The following MYO6 variants were observed in gnomAD, a reference collection of about 807,000 sequenced individuals.
MYO6 encodes myosin VI.
Under a neutral mutation model 178.7 loss-of-function variants are expected in MYO6, and 74 were observed. The ratio of observed to expected loss-of-function variants is 0.41; its 90% CI spans 0.34 to 0.50. MYO6 has a LOEUF of 0.50. Ranked by LOEUF, MYO6 falls within the 20% of genes least tolerant of loss-of-function variation. MYO6 has a pLI of 0.09. For synonymous variants in MYO6, 477 were observed against 504.6 expected (o/e 0.95, Z 0.73); for missense variants, 1,330 against 1,547.4 (o/e 0.86, Z 2.36).
At chr6:75,759,619 A>G (rs1777775546) in intron 1 of MYO6, among the ~76,000 whole-genome samples, 1 of 151,966 alleles carries the variant, frequency 6.6e-6, no homozygotes, top group Non-Finnish European at 1.5e-5. Context: ...GCAAGAGCAG[A>G]GAAAGAATTG....
Position 75,846,970 on chromosome 6 carries a change from G to A in MYO6, c.898-1381G>A, listed in dbSNP as rs61073238. On this transcript the variant is annotated intron_variant, in intron 10 of 34. Transcript: ENST00000369977. ...ACTTTTTATGTCTTCTTTATCAGGA[G>A]GATGAGGTGATCATTTTGACTAATT... Among the ~76,000 whole-genome samples the A allele has an allele frequency of 3.3e-3, 507 of 152,176 alleles. 2 individuals carry two copies. The highest frequency in any genetic ancestry group is 0.011 in the African/African-American group (467 of 41,552).
At chr6:75,783,581 A>G (rs1767210238) in intron 1 of MYO6, among the ~76,000 whole-genome samples, 1 of 149,212 alleles carries the variant, frequency 6.7e-6, no homozygotes. Context: ...TTGCCATTTA[A>G]AATATCCCAC....
chr6:75,888,144 G>A (rs575557099), intron 25 of MYO6, among the ~76,000 whole-genome samples: 10 of 151,780 alleles, frequency 6.6e-5, no homozygotes, highest in African/African-American at 2.2e-4. Context: ...ACCAAAGTTA[G>A]CCAGGTGTGA....
chr6:75,891,370 T>C lies in MYO6; in HGVS notation c.2946+64T>C, dbSNP rs1163223250. 30 of 1,241,112 alleles carry C rather than the reference T, an allele frequency of 2.4e-5. No individual in the cohort carries two copies. In the East Asian group the frequency reaches 4.2e-4, roughly 17 times the overall value. 76.9% of individuals were successfully genotyped at this position (1,241,112 alleles called of 1,614,324 possible). ...CCTACAGGCTGGGTGTGGTGGCTCA[T>C]GCCTGTAATCCCAGCTCTTTGGGAG... On this transcript the variant is annotated intron_variant, in intron 27 of 34. Coordinates refer to ENST00000369977, the MANE Select transcript of MYO6 (RefSeq NM_004999.4).
intron 1 of MYO6, among the ~76,000 whole-genome samples, chr6:75,759,524 G>A (rs183435900): frequency 1.4e-4 from 21 of 152,042 alleles, no homozygotes; most frequent in African/African-American, 4.3e-4. Context: ...CTCTTCCTCC[G>A]AGTCTCCACC....
Position 75,817,593 on chromosome 6 carries a change from T to A in MYO6, c.46T>A (p.Phe16Ile). 6.2e-7 allele frequency: 1 copy of A among 1,614,222 alleles called. No individual in the cohort carries two copies. Among genetic ancestry groups the A allele is most frequent in the Non-Finnish European group, 8.5e-7 (1 of 1,180,024 alleles). Residue 16 changes from phenylalanine (F) to isoleucine (I), a missense_variant, in exon 2 of 35, where the codon TTT becomes ATT. By Grantham distance (21) the Phe-to-Ile change is conservative. Transcript: ENST00000369977. ...TTGGGCGCCACACCCTACAGATGGA[T>A]TTCAGATGGGCAATATTGTGGATAT... ...PVWAPHPTDG[F>I]QMGNIVDIGP... is the part of the protein sequence containing the mutation.
At chr6:75,842,093 G>C (rs1774288635) in intron 9 of MYO6, among the ~76,000 whole-genome samples, 1 of 152,076 alleles carries the variant, frequency 6.6e-6, no homozygotes, top group African/African-American at 2.4e-5. Context: ...AATATTTATT[G>C]CTTGCCCATT....
Position 75,914,094 on chromosome 6 carries a change from C to A in MYO6, c.3471C>A (p.Ala1157=). 2 of 1,614,122 alleles carry A rather than the reference C, an allele frequency of 1.2e-6. No individual in the cohort carries two copies. Among genetic ancestry groups the A allele is most frequent in the African/African-American group, 1.3e-5 (1 of 75,040 alleles). The change falls in exon 34 of 35, where the codon GCC becomes GCA. Residue 1157 remains alanine (A), a synonymous_variant. Coordinates refer to ENST00000369977, the MANE Select transcript of MYO6 (RefSeq NM_004999.4). ...PQQNPAAQIP[A]RQREIEMNRQ... The stretch of plus-strand genomic sequence containing the variant: ...AAAACCCAGCAGCTCAGATTCCTGC[C>A]AGGCAGCGGGAGATTGAAATGAACC...
At chr6:75,768,450 G>A (rs909037926) in intron 1 of MYO6, among the ~76,000 whole-genome samples, 4 of 149,618 alleles carry the variant, frequency 2.7e-5, no homozygotes, top group Non-Finnish European at 5.9e-5. Context: ...GTGTGATCTC[G>A]GCTCACTGCA....
At chr6:75,855,660 A>G (rs1172692003) in intron 12 of MYO6, among the ~76,000 whole-genome samples, 1 of 152,304 alleles carries the variant, frequency 6.6e-6, no homozygotes, top group East Asian at 1.9e-4. Context: ...TTAGCAAATG[A>G]CACTTTCCTT....
At chr6:75,885,347 G>C (rs994317753) in intron 23 of MYO6, among the ~76,000 whole-genome samples, 1 of 152,064 alleles carries the variant, frequency 6.6e-6, no homozygotes, top group Non-Finnish European at 1.5e-5. Flanking sequence ...CAGCCTGGCC[G>C]ACATGGCAAA....
At chr6:75,784,159 G>C (rs1020949474) in intron 1 of MYO6, among the ~76,000 whole-genome samples, 1 of 151,924 alleles carries the variant, frequency 6.6e-6, no homozygotes, top group East Asian at 2.0e-4. Flanking sequence ...TTTTAGTAGA[G>C]ACGGGGTTTC....
intron 1 of MYO6, among the ~76,000 whole-genome samples, chr6:75,758,617 C>T (rs1353509156): frequency 1.3e-5 from 2 of 151,852 alleles, no homozygotes; most frequent in African/African-American, 2.4e-5. Context: ...CCCGCCACCA[C>T]GCCCAGCTAA....
At position 75,811,701 on chromosome 6, in the gene MYO6, G is replaced by T. The variant is rs140056791; in HGVS notation, c.-47-5800G>T. On this transcript the variant is annotated intron_variant, in intron 1 of 34. Transcript: ENST00000369977. Reference sequence around the variant, plus strand: ...TAATTTTTCCTAAATGATCCCTCCTGTCTATTCTGTAATTTCTGTTTGTAT... The same window carrying T: ...TAATTTTTCCTAAATGATCCCTCCTTTCTATTCTGTAATTTCTGTTTGTAT... Among the ~76,000 whole-genome samples, 124 of 151,978 alleles carry T rather than the reference G, an allele frequency of 8.2e-4. 2 individuals are homozygous for T. In the East Asian group the frequency reaches 0.021, roughly 26 times the overall value.
intron 14 of MYO6, 127 bp downstream of exon 14, chr6:75,859,120 T>C: frequency 1.4e-6 from 1 of 695,550 alleles, no homozygotes; most frequent in Non-Finnish European, 2.5e-6. Flanking sequence ...GCTCAGGGAA[T>C]CTGGGAAGCC....
intron 1 of MYO6, among the ~76,000 whole-genome samples, chr6:75,791,122 T>C (rs983423330): frequency 6.6e-6 from 1 of 151,920 alleles, no homozygotes; most frequent in Non-Finnish European, 1.5e-5. Context: ...TTAGTAGAGA[T>C]GGGGGTTTCA....
At chr6:75,883,868 T>G (rs1778226619) in intron 23 of MYO6, among the ~76,000 whole-genome samples, 1 of 152,206 alleles carries the variant, frequency 6.6e-6, no homozygotes, top group Non-Finnish European at 1.5e-5. Flanking sequence ...AAAGGAAAAT[T>G]CTTTTGGCCT....
chr6:75,799,959 C>T (rs1348643854), intron 1 of MYO6, among the ~76,000 whole-genome samples: 1 of 152,054 alleles, frequency 6.6e-6, no homozygotes, highest in Non-Finnish European at 1.5e-5. Flanking sequence ...GTGGTGGTAA[C>T]TTTAAGACTT....
chr6:75,894,985 A>G (rs997023834), intron 28 of MYO6: 68 of 671,136 alleles, frequency 1.0e-4, no homozygotes, highest in Non-Finnish European at 1.5e-4. Flanking sequence ...AAACCTCACA[A>G]TATATGAATT....
Sources: allele counts gnomAD v4.1 joint callset (sites outside exome capture counted in the v4.1 genomes callset), GRCh38; gene constraint gnomAD v4.1.1; transcripts MANE v1.5; gene names NCBI Gene and HGNC (gene_info 2026-07-23, HGNC 2026-07-21).